Variants in CAMK2D observed in about 807,000 individuals in gnomAD.
The protein encoded by CAMK2D is calcium/calmodulin dependent protein kinase II delta.
A neutral mutation model predicts 84.0 loss-of-function variants in CAMK2D; 37 were observed. The ratio of observed to expected loss-of-function variants is 0.44; its 90% CI spans 0.34 to 0.58. The LOEUF (loss-of-function observed/expected upper bound fraction) is 0.58. Ranked by LOEUF, CAMK2D falls within the 20% of genes least tolerant of loss-of-function variation. The pLI is 0.02. For missense variants in CAMK2D, 448 were observed against 652.5 expected (o/e 0.69, Z 3.41); for synonymous variants, 202 against 212.5 (o/e 0.95, Z 0.43).
At chr4:113,679,184 T>TG (rs959341154) in intron 2 of CAMK2D, among the ~76,000 whole-genome samples, 2 of 151,536 alleles carry the variant, frequency 1.3e-5, no homozygotes, top group Admixed American at 6.6e-5. Flanking sequence ...AATGGAAAGG[T>TG]GAAAAAAAAA....
At chr4:113,635,065 T>C (rs929867864) in intron 3 of CAMK2D, among the ~76,000 whole-genome samples, 8 of 152,220 alleles carry the variant, frequency 5.3e-5, no homozygotes, top group African/African-American at 1.4e-4. Flanking sequence ...CTTGGTGTCA[T>C]AGGCAAATAT....
chr4:113,623,171 C>T (rs1430520987), intron 3 of CAMK2D, among the ~76,000 whole-genome samples: 1 of 152,142 alleles, frequency 6.6e-6, no homozygotes, highest in African/African-American at 2.4e-5. Flanking sequence ...AGTTTTATGG[C>T]AATTACATCC....
intron 15 of CAMK2D, 91 bp from the exon 16 acceptor site, chr4:113,500,602 A>C (rs1285985943): frequency 2.6e-6 from 2 of 757,814 alleles, no homozygotes; most frequent in African/African-American, 3.5e-5. Context: ...ATATCATGCA[A>C]AATTCTTCAG....
intron 2 of CAMK2D, among the ~76,000 whole-genome samples, chr4:113,690,981 A>T (rs1454535529): frequency 6.6e-6 from 1 of 152,212 alleles, no homozygotes; most frequent in African/African-American, 2.4e-5. Context: ...GACATAAACT[A>T]AGATTAATTT....
chr4:113,564,110 C>T (rs1257532576), intron 4 of CAMK2D, among the ~76,000 whole-genome samples: 2 of 152,086 alleles, frequency 1.3e-5, no homozygotes, highest in African/African-American at 2.4e-5. Flanking sequence ...AGTTTTTATA[C>T]TGAAGCAATT....
chr4:113,644,866 A>G (rs2099145173), intron 3 of CAMK2D, among the ~76,000 whole-genome samples: 1 of 152,234 alleles, frequency 6.6e-6, no homozygotes, highest in Non-Finnish European at 1.5e-5. Flanking sequence ...GGAGTTCAGC[A>G]GACCTCCAAG....
intron 2 of CAMK2D, among the ~76,000 whole-genome samples, chr4:113,704,534 T>C (rs967279862): frequency 6.6e-6 from 1 of 151,812 alleles, no homozygotes; most frequent in African/African-American, 2.4e-5. Context: ...TAAATGCACA[T>C]TTAAATCCCA....
At chr4:113,733,734 C>T (rs2099574573) in intron 2 of CAMK2D, among the ~76,000 whole-genome samples, 1 of 152,140 alleles carries the variant, frequency 6.6e-6, no homozygotes, top group African/African-American at 2.4e-5. Flanking sequence ...GAAACATAGA[C>T]TCTGCTCAAG....
chr4:113,743,893 T>C (rs143777215), intron 2 of CAMK2D, among the ~76,000 whole-genome samples: 1 of 152,066 alleles, frequency 6.6e-6, no homozygotes, highest in African/African-American at 2.4e-5. Flanking sequence ...CAGGCTGGAG[T>C]GCAGTGGTGC....
At chr4:113,650,019 G>A (rs1477965200) in intron 3 of CAMK2D, among the ~76,000 whole-genome samples, 1 of 152,040 alleles carries the variant, frequency 6.6e-6, no homozygotes, top group Non-Finnish European at 1.5e-5. Context: ...CCAGGAGGCA[G>A]AGGTTGCAGT....
intron 7 of CAMK2D, among the ~76,000 whole-genome samples, chr4:113,534,090 A>G (rs781661092): frequency 6.6e-6 from 1 of 152,152 alleles, no homozygotes; most frequent in African/African-American, 2.4e-5. Context: ...CAAAATTAAA[A>G]TAACAAAGCT....
intron 3 of CAMK2D, among the ~76,000 whole-genome samples, chr4:113,653,911 T>C (rs763604445): frequency 6.6e-6 from 1 of 152,038 alleles, no homozygotes; most frequent in Admixed American, 6.5e-5. Flanking sequence ...TAAAATCATC[T>C]GCTAAAGACA....
intron 4 of CAMK2D, among the ~76,000 whole-genome samples, chr4:113,553,526 T>C (rs979820467): frequency 6.6e-6 from 1 of 152,218 alleles, no homozygotes; most frequent in Admixed American, 6.5e-5. Flanking sequence ...CAGTTAGTAT[T>C]CTCTCCCTTA....
intron 4 of CAMK2D, among the ~76,000 whole-genome samples, chr4:113,592,854 T>C: frequency 7.1e-6 from 1 of 140,772 alleles, no homozygotes; most frequent in South Asian, 2.1e-4. Flanking sequence ...AATTTGACAT[T>C]TTATTTATTT....
intron 4 of CAMK2D, among the ~76,000 whole-genome samples, chr4:113,559,091 TA>T (rs144485870): frequency 0.014 from 2,122 of 150,700 alleles, 51 homozygotes; most frequent in East Asian, 0.11. Context: ...TACTGTGCAT[TA>T]AAAAAAAACA....
At chr4:113,617,647 T>C (rs890528399) in intron 3 of CAMK2D, among the ~76,000 whole-genome samples, 2 of 149,346 alleles carry the variant, frequency 1.3e-5, no homozygotes, top group African/African-American at 4.9e-5. Flanking sequence ...GTTACTTCTG[T>C]AAGGAAAAAC....
At chr4:113,487,642 G>C (rs1222564974) in intron 16 of CAMK2D, among the ~76,000 whole-genome samples, 1 of 151,994 alleles carries the variant, frequency 6.6e-6, no homozygotes, top group Non-Finnish European at 1.5e-5. Context: ...TGTGTTTAAA[G>C]TAGTAACTTT....
At position 113,581,595 on chromosome 4, in the gene CAMK2D, AT is replaced by A. The variant is rs1243207408; in HGVS notation, c.275+27556del. ...TAACTTAGTCCTTAGAAGGTATTTG[AT>A]TTTTTTTTTCTTTAAAAGGTCTGAA... On this transcript the variant is annotated intron_variant, in intron 4 of 20. Coordinates refer to ENST00000511664, the MANE Select transcript of CAMK2D (RefSeq NM_001321571.2). 9.3e-5 allele frequency among the ~76,000 whole-genome samples: 14 copies of A among 149,896 alleles called. No individual in the cohort carries two copies. The East Asian group carries it at 9.8e-4, about 10-fold the overall frequency.
At chr4:113,564,734 G>A (rs1280080484) in intron 4 of CAMK2D, among the ~76,000 whole-genome samples, 5 of 152,096 alleles carry the variant, frequency 3.3e-5, no homozygotes, top group Admixed American at 1.3e-4. Flanking sequence ...GTGGAACTAC[G>A]GGTATTTTTT....
Sources: allele counts gnomAD v4.1 joint callset (sites outside exome capture counted in the v4.1 genomes callset), GRCh38; gene constraint gnomAD v4.1.1; transcripts MANE v1.5; gene names NCBI Gene and HGNC (gene_info 2026-07-23, HGNC 2026-07-21).